Variants in WAC observed in about 807,000 individuals in gnomAD.
WAC encodes the protein WW domain containing adaptor with coiled-coil.
A neutral mutation model predicts 79.6 loss-of-function variants in WAC; 11 were observed. The observed-to-expected ratio is 0.14, with a 90% confidence interval of 0.09 to 0.23. The LOEUF is 0.23. Among genes scored for constraint, WAC ranks in the 10% least tolerant of loss-of-function variants. WAC has a pLI of 1.00. For missense variants in WAC, 728 were observed against 773.5 expected, an observed-to-expected ratio of 0.94 and a Z score of 0.70; for synonymous variants, 304 against 276.9, an observed-to-expected ratio of 1.10 and a Z score of -0.97.
intron 3 of WAC, among the ~76,000 whole-genome samples, chr10:28,558,703 G>C (rs1247931688): frequency 6.6e-6 from 1 of 152,174 alleles, no homozygotes; most frequent in African/African-American, 2.4e-5. Flanking sequence ...TAAAATAATA[G>C]TGAGTTTGCT....
At position 28,574,230 on chromosome 10, in the gene WAC, C is replaced by T. The variant is rs576396900; in HGVS notation, c.275-9169C>T. Among the ~76,000 whole-genome samples, 182 of 152,178 alleles carry T rather than the reference C, an allele frequency of 1.2e-3. 1 individual carries two copies. Among genetic ancestry groups the T allele is most frequent in the African/African-American group, 4.0e-3 (164 of 41,496 alleles). On this transcript the variant is annotated intron_variant, in intron 3 of 13. Transcript: ENST00000354911. Reference sequence around the variant, plus strand: ...TGTCACGATCTCGGCTCACTACAACCTCCGCCTCCCAGGTTCCAGTGATTC... The same window carrying T: ...TGTCACGATCTCGGCTCACTACAACTTCCGCCTCCCAGGTTCCAGTGATTC...
At chr10:28,615,600 T>G (rs1209426982) in intron 11 of WAC, 1 of 152,230 alleles carries the variant, frequency 6.6e-6, no homozygotes, top group African/African-American at 2.4e-5. Context: ...GGTGATTAAA[T>G]TTTTTGGTTC....
chr10:28,588,029 T>A (rs1427770178), intron 4 of WAC, among the ~76,000 whole-genome samples: 1 of 152,160 alleles, frequency 6.6e-6, no homozygotes, highest in Non-Finnish European at 1.5e-5. Context: ...AACCATCACT[T>A]GGAAGAGCAC....
chr10:28,585,493 C>CA (rs1839772012), intron 4 of WAC, among the ~76,000 whole-genome samples: 2 of 151,926 alleles, frequency 1.3e-5, no homozygotes, highest in Non-Finnish European at 2.9e-5. Context: ...GCTAAGCCTT[C>CA]ACGCGTGCTA....
chr10:28,533,073 G>T (rs185814010), upstream of WAC: 76 of 155,228 alleles, frequency 4.9e-4, no homozygotes, highest in Non-Finnish European at 2.2e-4. Context: ...GGGAGAGGAG[G>T]GGCCCGGCGG....
At chr10:28,592,209 A>T (rs1465460118) in intron 6 of WAC, among the ~76,000 whole-genome samples, 1 of 152,192 alleles carries the variant, frequency 6.6e-6, no homozygotes, top group Admixed American at 6.5e-5. Flanking sequence ...TTTATATCTT[A>T]ATAAACTGAC....
intron 3 of WAC, among the ~76,000 whole-genome samples, chr10:28,554,132 T>C (rs2132442432): frequency 6.6e-6 from 1 of 152,332 alleles, no homozygotes; most frequent in African/African-American, 2.4e-5. Flanking sequence ...CCTCCCACAG[T>C]GCTGGGATTT....
At chr10:28,532,824 G>A (rs1450486803), upstream of WAC, 1 of 152,960 alleles carries the variant, frequency 6.5e-6, no homozygotes, top group East Asian at 1.9e-4. Context: ...CTTCCGGAAG[G>A]CGGCTCCCTC....
intron 7 of WAC, among the ~76,000 whole-genome samples, chr10:28,605,559 CA>C (rs1328909116): frequency 2.0e-5 from 3 of 152,190 alleles, no homozygotes; most frequent in African/African-American, 7.2e-5. Flanking sequence ...CCACACTACT[CA>C]CCTGTAATTC....
rs3029447 is a variant in WAC, at chr10:28,552,845, C to CTT, written c.274+17110_274+17111dup. On this transcript the variant is annotated intron_variant, in intron 3 of 13. Coordinates refer to ENST00000354911, the MANE Select transcript of WAC (RefSeq NM_016628.5). ...GACAGTGAGCAAATCCACTTGGCTG[C>CTT]TTTTTTTTTTTTTTTTTTTTTTTGT... 1.6e-3 allele frequency among the ~76,000 whole-genome samples: 132 copies of CTT among 84,354 alleles called. 1 individual carries two copies. Among genetic ancestry groups the CTT allele is most frequent in the African/African-American group, 3.3e-3 (71 of 21,520 alleles). The allele number at this position is 84,354 out of a possible 152,430, so 55.3% of individuals were successfully genotyped here.
At chr10:28,563,884 C>T (rs981835461) in intron 3 of WAC, among the ~76,000 whole-genome samples, 4 of 151,458 alleles carry the variant, frequency 2.6e-5, no homozygotes, top group African/African-American at 9.7e-5. Context: ...AAAGCGTGAG[C>T]CACTGTGCCC....
Position 28,534,024 on chromosome 10 carries a change from A to G in WAC, c.68A>G (p.Gln23Arg). Residue 23 changes from glutamine to arginine, a missense_variant, in exon 2 of 14, where the codon CAG becomes CGG. Physicochemically the swap from Gln to Arg is conservative, Grantham distance 43 (BLOSUM62 1). Transcript: ENST00000354911. ...DGCHDRRGDSQPYQALKYSSK... is the reference protein window; with the variant it reads ...DGCHDRRGDSRPYQALKYSSK... The stretch of plus-strand genomic sequence containing the variant: ...TGTCACGACCGGAGGGGGGACTCGC[A>G]GCCTTACCAGGTACCAGCCGAGGCC... 6.3e-7 allele frequency: 1 copy of G among 1,591,848 alleles called. No homozygotes were observed. Among genetic ancestry groups the G allele is most frequent in the Non-Finnish European group, 8.5e-7 (1 of 1,170,188 alleles).
chr10:28,566,768 A>G (rs527666469), intron 3 of WAC, among the ~76,000 whole-genome samples: 2 of 152,334 alleles, frequency 1.3e-5, no homozygotes, highest in East Asian at 3.9e-4. Flanking sequence ...TTCTGCTGGG[A>G]TGCTTTTAGA....
At chr10:28,613,620 G>C (rs1841348870) in intron 10 of WAC, among the ~76,000 whole-genome samples, 1 of 152,160 alleles carries the variant, frequency 6.6e-6, no homozygotes, top group Admixed American at 6.5e-5. Context: ...CTTATAAAAT[G>C]TTCTTTATAA....
chr10:28,608,416 T>C lies in WAC; in HGVS notation c.1150T>C (p.Ser384Pro), dbSNP rs1158950880. The change falls in exon 8 of 14, where the codon TCT becomes CCT. Residue 384 changes from serine (S) to proline (P), a missense_variant. Physicochemically the swap from Ser to Pro is moderately conservative, Grantham distance 74. Around this residue, in one of 3 missense-constraint regions of WAC, gnomAD observed 648 missense variants for 661.5 expected, o/e 0.98. Coordinates refer to ENST00000354911, the MANE Select transcript of WAC (RefSeq NM_016628.5). ...GCTTAATAATTCTAATGTGGACATA[T>C]CTAAAATAAATGAAGGTAAATCTTC... ...LQLNNSNVDI[S>P]KINEVLTAAV... The C allele has an allele frequency of 2.5e-6, 4 of 1,598,146 alleles. No homozygotes were observed. Among genetic ancestry groups the C allele is most frequent in the Non-Finnish European group, 3.4e-6 (4 of 1,171,630 alleles).
chr10:28,572,616 G>T (rs1032883655), intron 3 of WAC, among the ~76,000 whole-genome samples: 24 of 152,182 alleles, frequency 1.6e-4, no homozygotes, highest in Admixed American at 1.4e-3. Context: ...TTCCAGACCA[G>T]CCTGGGCAAT....
chr10:28,574,592 A>G (rs991099678), intron 3 of WAC, among the ~76,000 whole-genome samples: 5 of 150,376 alleles, frequency 3.3e-5, no homozygotes, highest in African/African-American at 7.4e-5. Context: ...ACAGGCACAC[A>G]GCACCGCACC....
At chr10:28,616,498 A>T in intron 12 of WAC, 136 bp downstream of exon 12, 10 of 802,462 alleles carry the variant, frequency 1.2e-5, no homozygotes, top group Non-Finnish European at 1.8e-5. Flanking sequence ...GTAGTCATTT[A>T]AAAAATATTT....
chr10:28,577,712 G>T (rs1432031279), intron 3 of WAC, among the ~76,000 whole-genome samples: 1 of 152,028 alleles, frequency 6.6e-6, no homozygotes, highest in Non-Finnish European at 1.5e-5. Flanking sequence ...AAGTGAAGAG[G>T]GTATGATCAT....
Sources: gnomAD v4.1 joint callset for allele counts (sites outside exome capture counted in the v4.1 genomes callset) on GRCh38, gnomAD v4.1.1 for gene constraint, gnomAD v4.1.1 regional missense constraint, MANE v1.5 for transcripts, NCBI Gene and HGNC (gene_info 2026-07-23, HGNC 2026-07-21) for gene names.